Variants in BTBD7 observed in about 807,000 individuals in gnomAD.
The protein encoded by BTBD7 is BTB/POZ domain-containing protein 7.
BTBD7 carries 38 observed loss-of-function variants against 99.9 expected under a neutral mutation model. That is an observed-to-expected ratio of 0.38 (90% confidence interval 0.29 to 0.50). The LOEUF (loss-of-function observed/expected upper bound fraction) is 0.50. Among genes scored for constraint, BTBD7 ranks in the 20% least tolerant of loss-of-function variants. The pLI, the probability that BTBD7 is intolerant of heterozygous loss-of-function variation, is 0.93. For missense variants in BTBD7, 1,170 were observed against 1,394.6 expected (o/e 0.84, Z 2.57); for synonymous variants, 520 against 511.4 (o/e 1.02, Z -0.23).
chr14:93,277,413 G>A (rs2052668366), intron 3 of BTBD7, among the ~76,000 whole-genome samples: 1 of 152,190 alleles, frequency 6.6e-6, no homozygotes, highest in Non-Finnish European at 1.5e-5. Flanking sequence ...AATGCAGGGG[G>A]AGCTAACTCT....
At chr14:93,310,944 T>C (rs1398964722) in intron 1 of BTBD7, among the ~76,000 whole-genome samples, 1 of 152,106 alleles carries the variant, frequency 6.6e-6, no homozygotes, top group African/African-American at 2.4e-5. Flanking sequence ...CATGATAGTC[T>C]ATCATTCTTT....
intron 1 of BTBD7, among the ~76,000 whole-genome samples, chr14:93,321,445 T>C (rs561043348): frequency 1.3e-5 from 2 of 152,152 alleles, no homozygotes; most frequent in East Asian, 3.9e-4. Context: ...ATACAAAAAT[T>C]AGCTGGACGT....
chr14:93,320,552 C>T (rs938372749), intron 1 of BTBD7, among the ~76,000 whole-genome samples: 1 of 152,136 alleles, frequency 6.6e-6, no homozygotes, highest in Admixed American at 6.6e-5. Flanking sequence ...AGGAGGAAGA[C>T]TTTTTTGGTT....
At chr14:93,244,034 C>T (rs1387368876) in intron 10 of BTBD7, 3 of 352,956 alleles carry the variant, frequency 8.5e-6, no homozygotes, top group Admixed American at 6.5e-5. Flanking sequence ...TAAAACCCAT[C>T]GGACTTTCTG....
chr14:93,249,482 T>A (rs1402185558), intron 8 of BTBD7, among the ~76,000 whole-genome samples: 1 of 152,154 alleles, frequency 6.6e-6, no homozygotes, highest in Non-Finnish European at 1.5e-5. Flanking sequence ...CAACAGGCAG[T>A]CACTTTTGCA....
At chr14:93,311,961 TAAAAA>T (rs968382984) in intron 1 of BTBD7, among the ~76,000 whole-genome samples, 1 of 148,094 alleles carries the variant, frequency 6.8e-6, no homozygotes, top group Non-Finnish European at 1.5e-5. Flanking sequence ...AAAGTTAAAA[TAAAAA>T]AAAAAGATAC....
At chr14:93,260,622 C>G (rs1043725713) in intron 5 of BTBD7, among the ~76,000 whole-genome samples, 1 of 151,548 alleles carries the variant, frequency 6.6e-6, no homozygotes, top group Non-Finnish European at 1.5e-5. Context: ...GGCCCCATCT[C>G]GGCTCACCAC....
At chr14:93,297,170 A>G (rs2052939121) in intron 1 of BTBD7, among the ~76,000 whole-genome samples, 1 of 152,362 alleles carries the variant, frequency 6.6e-6, no homozygotes, top group East Asian at 1.9e-4. Context: ...TACACAAATT[A>G]TCACAAAAAT....
rs1450014207 is a variant in BTBD7, at chr14:93,248,614, C to T, written c.1983G>A (p.Leu661=). Residue 661 remains leucine (L), a synonymous_variant, in exon 9 of 11, where the codon CTG becomes CTA. Coordinates refer to ENST00000334746, the MANE Select transcript of BTBD7 (RefSeq NM_001002860.4). ...LLIMKDMVRR[L]QELRHTEQVQ... ...CCTGCTCCGTGTGCCGCAGTTCCTG[C>T]AGTCGTCTGACCATGTCTTTCATAA... The T allele has an allele frequency of 2.5e-6, 4 of 1,613,280 alleles. No individual in the cohort carries two copies. The South Asian group carries it at 4.4e-5, about 18-fold the overall frequency.
At chr14:93,269,738 C>A (rs2052581409) in intron 3 of BTBD7, among the ~76,000 whole-genome samples, 3 of 152,158 alleles carry the variant, frequency 2.0e-5, no homozygotes, top group African/African-American at 7.2e-5. Flanking sequence ...AATTTCTGTA[C>A]CTATCTCACT....
chr14:93,262,133 ATTTT>A (rs747240844), intron 4 of BTBD7, among the ~76,000 whole-genome samples: 2 of 140,690 alleles, frequency 1.4e-5, no homozygotes, highest in East Asian at 2.1e-4. Context: ...CACCCAGCTA[ATTTT>A]TTTTTTTTTT....
intron 1 of BTBD7, among the ~76,000 whole-genome samples, chr14:93,309,024 A>C (rs892179613): frequency 5.3e-5 from 8 of 152,188 alleles, no homozygotes; most frequent in African/African-American, 1.9e-4. Flanking sequence ...AAATGGAAAA[A>C]ACCTCACAAA....
In BTBD7 at chr14:93,271,193, G is replaced by A. The variant is rs536840522; in HGVS notation, c.1163-7200C>T. Among the ~76,000 whole-genome samples the A allele has an allele frequency of 8.1e-4, 124 of 152,164 alleles. 1 individual carries two copies. Among genetic ancestry groups the A allele is most frequent in the African/African-American group, 2.8e-3 (118 of 41,536 alleles). On this transcript the variant is annotated intron_variant, in intron 3 of 10. Coordinates refer to ENST00000334746, the MANE Select transcript of BTBD7 (RefSeq NM_001002860.4). The stretch of plus-strand genomic sequence containing the variant: ...GGTAACTAAAAATAGCCTCAACGTT[G>A]ACAGTTCTCCTGAATACACTGTCAG...
intron 1 of BTBD7, among the ~76,000 whole-genome samples, chr14:93,323,665 G>A (rs2053294976): frequency 6.6e-6 from 1 of 152,172 alleles, no homozygotes; most frequent in African/African-American, 2.4e-5. Flanking sequence ...CTTCCGTAAA[G>A]GACTACAGCC....
At chr14:93,254,908 T>C (rs1358388340) in intron 6 of BTBD7, among the ~76,000 whole-genome samples, 2 of 152,190 alleles carry the variant, frequency 1.3e-5, no homozygotes, top group African/African-American at 4.8e-5. Flanking sequence ...TAACCAAAGT[T>C]CTAAAATACT....
rs1024282761 is a variant in BTBD7 at position 93,279,516 on chromosome 14, C to T, written c.1162+14342G>A. 7.2e-5 allele frequency among the ~76,000 whole-genome samples: 11 copies of T among 152,302 alleles called. No homozygotes were observed. In the East Asian group the frequency reaches 2.1e-3, roughly 29 times the overall value. ...TTCTATTAGGGCACTCACACTCTAA[C>T]TGCCTATTGGTACTTAACACTGGAC... On this transcript the variant is annotated intron_variant, in intron 3 of 10. Coordinates refer to ENST00000334746, the MANE Select transcript of BTBD7 (RefSeq NM_001002860.4).
At chr14:93,295,889 T>G in intron 2 of BTBD7, 81 bp downstream of exon 2, 1 of 1,309,630 alleles carries the variant, frequency 7.6e-7, no homozygotes, top group Non-Finnish European at 1.1e-6. Flanking sequence ...GCTCACTTCT[T>G]TTGTCATCTA....
chr14:93,327,362 A>T (rs986035912), intron 1 of BTBD7, among the ~76,000 whole-genome samples: 1 of 152,212 alleles, frequency 6.6e-6, no homozygotes, highest in Non-Finnish European at 1.5e-5. Context: ...AGTTATTCAG[A>T]CATACATCTG....
rs898729103 is a variant in BTBD7, at chr14:93,242,046, CGACAT to C, written c.*222_*226del. On this transcript the variant is annotated 3_prime_UTR_variant, in exon 11 of 11. Transcript: ENST00000334746. ...CCTGCTTGTTCTTAAAAATGCCTCC[CGACAT>C]AATTGTTCAAAGACAAATTAGACAG... 10 of 500,046 alleles carry C rather than the reference CGACAT, an allele frequency of 2.0e-5. No homozygotes were observed. The highest frequency in any genetic ancestry group is 1.9e-4 in the African/African-American group (10 of 51,544). The allele number at this position is 500,046 out of a possible 1,614,324, so 31.0% of individuals were successfully genotyped here. A position where few individuals can be genotyped will look rare whatever the true frequency, so the allele number is the denominator to read the frequency against.
Sources: allele counts gnomAD v4.1 joint callset (sites outside exome capture counted in the v4.1 genomes callset), GRCh38; gene constraint gnomAD v4.1.1; transcripts MANE v1.5; gene names NCBI Gene and HGNC (gene_info 2026-07-23, HGNC 2026-07-21).